Variants in UBE2E2 observed in about 807,000 individuals in gnomAD.
UBE2E2 encodes ubiquitin-conjugating enzyme E2 E2.
A neutral mutation model predicts 24.7 loss-of-function variants in UBE2E2; 6 were observed. That is an observed-to-expected ratio of 0.24 (90% CI 0.13 to 0.48). The LOEUF is 0.48. UBE2E2 is among the 20% of genes least tolerant of loss of function. The pLI is 0.99. For synonymous variants in UBE2E2, 104 were observed against 83.6 expected (o/e 1.24, Z -1.33); for missense variants, 169 against 245.0 (o/e 0.69, Z 2.07).
At chr3:23,516,213 T>G (rs1198345273) in intron 4 of UBE2E2, among the ~76,000 whole-genome samples, 1 of 152,146 alleles carries the variant, frequency 6.6e-6, no homozygotes, top group East Asian at 1.9e-4. Flanking sequence ...GAACAACAAA[T>G]ACAAGCAAAA....
intron 3 of UBE2E2, among the ~76,000 whole-genome samples, chr3:23,293,315 A>G (rs1368750153): frequency 1.3e-5 from 2 of 152,230 alleles, no homozygotes; most frequent in Non-Finnish European, 2.9e-5. Context: ...TGTGAAAACC[A>G]TTACCCTAAA....
At chr3:23,336,412 TG>T (rs753838562) in intron 3 of UBE2E2, among the ~76,000 whole-genome samples, 7 of 152,244 alleles carry the variant, frequency 4.6e-5, no homozygotes, top group Admixed American at 3.3e-4. Flanking sequence ...GTTACTTTAG[TG>T]GCAAAGTACA....
intron 3 of UBE2E2, among the ~76,000 whole-genome samples, chr3:23,281,700 A>T (rs1698494034): frequency 6.6e-6 from 1 of 152,218 alleles, no homozygotes; most frequent in Non-Finnish European, 1.5e-5. Context: ...ATTTGGTTTT[A>T]TGTTAATGTT....
At chr3:23,255,722 T>C (rs1285180902) in intron 3 of UBE2E2, among the ~76,000 whole-genome samples, 2 of 152,168 alleles carry the variant, frequency 1.3e-5, no homozygotes, top group African/African-American at 2.4e-5. Context: ...TCTGTCTTGA[T>C]TTTCAGCAGA....
In UBE2E2 at chr3:23,254,516, G is replaced by C. The variant is rs1285079352; in HGVS notation, c.227+37204G>C. 1.8e-4 allele frequency among the ~76,000 whole-genome samples: 28 copies of C among 152,298 alleles called. No individual in the cohort carries two copies. In the East Asian group the frequency reaches 5.4e-3, roughly 29 times the overall value. ...GATGAAAAAGCCTGTGTTCTCAAGGGACATGTTGACCAGTGTGGGAGCTAA... is the reference window on the plus strand; with the variant it reads ...GATGAAAAAGCCTGTGTTCTCAAGGCACATGTTGACCAGTGTGGGAGCTAA... On this transcript the variant is annotated intron_variant, in intron 3 of 5. Coordinates refer to ENST00000396703, the MANE Select transcript of UBE2E2 (RefSeq NM_152653.4).
In UBE2E2 at chr3:23,284,662, T is replaced by G. The variant is rs78377261; in HGVS notation, c.227+67350T>G. Among the ~76,000 whole-genome samples, 634 of 152,166 alleles carry G rather than the reference T, an allele frequency of 4.2e-3. 30 individuals carry two copies. The East Asian group carries it at 0.083, about 20-fold the overall frequency. Reference sequence around the variant, plus strand: ...GGAGTATTTGTCTTTTAAAGAAGATTCTCATTTCATTCATAAATTTTGTTT... The same window carrying G: ...GGAGTATTTGTCTTTTAAAGAAGATGCTCATTTCATTCATAAATTTTGTTT... On this transcript the variant is annotated intron_variant, in intron 3 of 5. Transcript: ENST00000396703.
At chr3:23,304,096 G>T (rs1009051441) in intron 3 of UBE2E2, among the ~76,000 whole-genome samples, 12 of 152,088 alleles carry the variant, frequency 7.9e-5, no homozygotes, top group African/African-American at 2.7e-4. Flanking sequence ...TGAAGAATTG[G>T]CATTTTATGT....
At chr3:23,517,133 G>A (rs570825013) in intron 4 of UBE2E2, among the ~76,000 whole-genome samples, 2 of 151,846 alleles carry the variant, frequency 1.3e-5, no homozygotes, top group African/African-American at 4.8e-5. Flanking sequence ...CTTTTCTACC[G>A]AGACATCCCA....
intron 3 of UBE2E2, among the ~76,000 whole-genome samples, chr3:23,455,364 G>A (rs1344164581): frequency 6.6e-6 from 1 of 152,170 alleles, no homozygotes; most frequent in Non-Finnish European, 1.5e-5. Context: ...CTGTATTGTA[G>A]CCAATTAAGT....
At chr3:23,226,184 G>A (rs1029502048) in intron 3 of UBE2E2, among the ~76,000 whole-genome samples, 2 of 147,968 alleles carry the variant, frequency 1.4e-5, no homozygotes, top group African/African-American at 5.0e-5. Flanking sequence ...TGGCCGAAAA[G>A]TGTATTTTCC....
At chr3:23,252,418 T>C (rs1256863057) in intron 3 of UBE2E2, among the ~76,000 whole-genome samples, 2 of 152,218 alleles carry the variant, frequency 1.3e-5, no homozygotes, top group African/African-American at 4.8e-5. Flanking sequence ...AGACAATGTG[T>C]ATGAAAAAGA....
At chr3:23,406,180 C>T (rs1346272512) in intron 3 of UBE2E2, among the ~76,000 whole-genome samples, 1 of 152,228 alleles carries the variant, frequency 6.6e-6, no homozygotes, top group Admixed American at 6.5e-5. Flanking sequence ...TTCCAAGGCT[C>T]TCCAGTTTGT....
At chr3:23,271,888 G>T (rs989836033) in intron 3 of UBE2E2, among the ~76,000 whole-genome samples, 1 of 152,228 alleles carries the variant, frequency 6.6e-6, no homozygotes, top group African/African-American at 2.4e-5. Context: ...ACAGAGTGCT[G>T]ATTGGTGCAT....
At chr3:23,430,146 C>G (rs1440604585) in intron 3 of UBE2E2, among the ~76,000 whole-genome samples, 1 of 151,684 alleles carries the variant, frequency 6.6e-6, no homozygotes, top group Non-Finnish European at 1.5e-5. Context: ...CTGAAGCAGT[C>G]TGTCTAGTGC....
intron 5 of UBE2E2, among the ~76,000 whole-genome samples, chr3:23,574,330 A>G (rs978284586): frequency 1.3e-5 from 2 of 152,194 alleles, no homozygotes; most frequent in African/African-American, 4.8e-5. Context: ...CAGGGTGACT[A>G]TAATAAAAAA....
At chr3:23,396,174 G>A (rs1697069199) in intron 3 of UBE2E2, among the ~76,000 whole-genome samples, 1 of 150,972 alleles carries the variant, frequency 6.6e-6, no homozygotes, top group African/African-American at 2.4e-5. Context: ...CTAGTATATG[G>A]CAGAACTTAA....
At chr3:23,248,263 G>T (rs1404982510) in intron 3 of UBE2E2, among the ~76,000 whole-genome samples, 1 of 152,210 alleles carries the variant, frequency 6.6e-6, no homozygotes, top group Non-Finnish European at 1.5e-5. Context: ...ACACTCCTTA[G>T]ACAACATGGC....
chr3:23,540,190 A>C (rs1695358305), intron 5 of UBE2E2, among the ~76,000 whole-genome samples: 1 of 152,086 alleles, frequency 6.6e-6, no homozygotes, highest in Non-Finnish European at 1.5e-5. Context: ...CAGCCTCCCG[A>C]GTAGCTAAAT....
intron 2 of UBE2E2, among the ~76,000 whole-genome samples, chr3:23,210,293 G>A (rs1321881507): frequency 6.6e-6 from 1 of 152,166 alleles, no homozygotes; most frequent in Non-Finnish European, 1.5e-5. Flanking sequence ...TGTCAGAAAA[G>A]GGGAAGGATT....
Sources: gnomAD v4.1 joint callset for allele counts (sites outside exome capture counted in the v4.1 genomes callset) on GRCh38, gnomAD v4.1.1 for gene constraint, MANE v1.5 for transcripts, NCBI Gene and HGNC (gene_info 2026-07-23, HGNC 2026-07-21) for gene names.